MVB12B: variants seen among roughly 807,000 people sequenced by gnomAD.
MVB12B encodes ESCRT-I complex subunit MVB12B.
A neutral mutation model predicts 41.6 loss-of-function variants in MVB12B; 16 were observed. The ratio of observed to expected loss-of-function variants is 0.38; its 90% CI spans 0.26 to 0.58. The LOEUF (loss-of-function observed/expected upper bound fraction) is 0.58, where lower values mean the gene tolerates loss of function less well. MVB12B is among the 20% of genes least tolerant of loss of function. The pLI is 0.62. For synonymous variants in MVB12B, 133 were observed against 139.7 expected, an observed-to-expected ratio of 0.95 and a Z score of 0.34; for missense variants, 274 against 380.2, an observed-to-expected ratio of 0.72 and a Z score of 2.32.
intron 2 of MVB12B, among the ~76,000 whole-genome samples, chr9:126,351,223 A>G (rs1265293824): frequency 1.3e-5 from 2 of 152,316 alleles, no homozygotes; most frequent in South Asian, 2.1e-4. Context: ...GTTAATTTTT[A>G]TAGGTTTATC....
At chr9:126,469,553 GTC>G (rs1221873906) in intron 7 of MVB12B, among the ~76,000 whole-genome samples, 1 of 152,228 alleles carries the variant, frequency 6.6e-6, no homozygotes, top group Non-Finnish European at 1.5e-5. Flanking sequence ...GTGCTCCGTA[GTC>G]ACAGGCCATG....
intron 6 of MVB12B, among the ~76,000 whole-genome samples, chr9:126,418,567 C>A (rs1831895891): frequency 1.3e-5 from 2 of 152,172 alleles, no homozygotes; most frequent in South Asian, 4.1e-4. Context: ...CACAGACGGG[C>A]AAGCTTTTGA....
chr9:126,351,965 T>C (rs1233772892), intron 2 of MVB12B, among the ~76,000 whole-genome samples: 2 of 152,316 alleles, frequency 1.3e-5, no homozygotes, highest in African/African-American at 4.8e-5. Context: ...ATTTTTTTTT[T>C]CCTTTAAAGC....
At chr9:126,488,428 C>G (rs1268433764) in intron 9 of MVB12B, among the ~76,000 whole-genome samples, 2 of 152,066 alleles carry the variant, frequency 1.3e-5, no homozygotes, top group Non-Finnish European at 2.9e-5. Context: ...GACCGTGCCT[C>G]CCGCTCGTCC....
At chr9:126,418,149 C>T (rs762744339) in intron 6 of MVB12B, among the ~76,000 whole-genome samples, 6 of 140,046 alleles carry the variant, frequency 4.3e-5, no homozygotes, top group African/African-American at 8.1e-5. Context: ...AGTTTGGAGA[C>T]GAAGTGGGAG....
Position 126,436,756 on chromosome 9 carries a change from A to G in MVB12B, c.757+14808A>G, listed in dbSNP as rs1336269805. On this transcript the variant is annotated intron_variant, in intron 7 of 9. Coordinates refer to ENST00000361171, the MANE Select transcript of MVB12B (RefSeq NM_033446.3). The surrounding 1 kb of genome is among the most constrained non-coding windows in gnomAD (Gnocchi z 4.1). ...ACAGTGGCTGGCCCCTGCAGAGCCT[A>G]AGGGGCACTCCACTCATGAGTCATG... is the stretch of plus-strand genomic sequence containing the variant. Among the ~76,000 whole-genome samples, 1 of 152,180 alleles carries G rather than the reference A, an allele frequency of 6.6e-6. No homozygotes were observed. The highest frequency in any genetic ancestry group is 2.4e-5 in the African/African-American group (1 of 41,440).
intron 9 of MVB12B, among the ~76,000 whole-genome samples, chr9:126,500,929 T>G (rs1833942362): frequency 6.6e-6 from 1 of 152,174 alleles, no homozygotes; most frequent in Non-Finnish European, 1.5e-5. Flanking sequence ...TGCTGGGCTG[T>G]GCTGGGCATG....
chr9:126,431,065 T>G (rs1832316731), intron 7 of MVB12B, among the ~76,000 whole-genome samples: 1 of 152,256 alleles, frequency 6.6e-6, no homozygotes, highest in African/African-American at 2.4e-5. Flanking sequence ...TTGAGAATTA[T>G]CACATGGGAC....
intron 7 of MVB12B, among the ~76,000 whole-genome samples, chr9:126,429,523 ATCTG>A (rs1832275286): frequency 6.6e-6 from 1 of 152,186 alleles, no homozygotes; most frequent in South Asian, 2.1e-4. Context: ...TGTCAAAAAA[ATCTG>A]TCTCCTTTAC....
rs1365763345 is a variant in MVB12B, at chr9:126,484,046, CAG to C, written c.873+15_873+16del. 2.5e-6 allele frequency: 4 copies of C among 1,613,506 alleles called. No homozygotes were observed. The highest frequency in any genetic ancestry group is 1.7e-6 in the Non-Finnish European group (2 of 1,179,752). ...ATCGAAAAAGAGGTAAGCAAGCCAT[CAG>C]GGGAGGGGAGGGCAGGCCTGGGCCA... On this transcript the variant is annotated intron_variant, in intron 9 of 9. Transcript: ENST00000361171.
intron 5 of MVB12B, among the ~76,000 whole-genome samples, chr9:126,394,675 G>A (rs1831053026): frequency 6.6e-6 from 1 of 152,208 alleles, no homozygotes; most frequent in African/African-American, 2.4e-5. Flanking sequence ...CCCAGAGGTG[G>A]AGAAATCAGT....
chr9:126,358,236 C>T (rs2118882646), intron 2 of MVB12B, among the ~76,000 whole-genome samples: 1 of 152,172 alleles, frequency 6.6e-6, no homozygotes, highest in Non-Finnish European at 1.5e-5. Context: ...TAATTCTTAA[C>T]ACCAGGTAGT....
rs1349690557 is a variant in MVB12B, at chr9:126,468,648, G to A, written c.758-12721G>A. On this transcript the variant is annotated intron_variant, in intron 7 of 9. Transcript: ENST00000361171. This position sits in a 1 kb window ranked among gnomAD's most constrained non-coding sequence, Gnocchi z 4.3. ...CCGGGCCACCAGCGTCCCTCGCCTG[G>A]TTCAGTGTCAGAACTTCCTCCCTGG... is the stretch of plus-strand genomic sequence containing the variant. Among the ~76,000 whole-genome samples the A allele has an allele frequency of 6.6e-6, 1 of 152,160 alleles. No homozygotes were observed. Among genetic ancestry groups the A allele is most frequent in the African/African-American group, 2.4e-5 (1 of 41,428 alleles).
At chr9:126,344,732 ATTTC>A (rs886318119) in intron 2 of MVB12B, among the ~76,000 whole-genome samples, 2 of 152,184 alleles carry the variant, frequency 1.3e-5, no homozygotes, top group African/African-American at 4.8e-5. Flanking sequence ...AGCAGGATTT[ATTTC>A]TTACAGGTCT....
chr9:126,447,951 A>C (rs1211629543), intron 7 of MVB12B: 1 of 152,260 alleles, frequency 6.6e-6, no homozygotes, highest in Non-Finnish European at 1.5e-5. Flanking sequence ...TTTTGGCCAT[A>C]AGTTCCATGG....
At chr9:126,399,861 A>G (rs569984437) in intron 6 of MVB12B, among the ~76,000 whole-genome samples, 4 of 152,318 alleles carry the variant, frequency 2.6e-5, no homozygotes, top group African/African-American at 9.6e-5. Flanking sequence ...GAATGATAGA[A>G]TCAATACTCT....
intron 6 of MVB12B, chr9:126,397,463 T>G (rs1831149027): frequency 1.0e-6 from 1 of 985,318 alleles, no homozygotes; most frequent in African/African-American, 1.7e-5. Context: ...AGTTTATGGT[T>G]TACAATGGCT....
chr9:126,393,108 C>T (rs1345342402), intron 5 of MVB12B, among the ~76,000 whole-genome samples: 1 of 152,222 alleles, frequency 6.6e-6, no homozygotes, highest in Non-Finnish European at 1.5e-5. Context: ...TCTGTTGCAG[C>T]TCCATAAATA....
intron 6 of MVB12B, among the ~76,000 whole-genome samples, chr9:126,406,464 G>T (rs1003606200): frequency 6.6e-6 from 1 of 152,196 alleles, no homozygotes; most frequent in Non-Finnish European, 1.5e-5. Flanking sequence ...GCGCTCTCAC[G>T]CACACAGTCC....
Sources: gnomAD v4.1 joint callset for allele counts (sites outside exome capture counted in the v4.1 genomes callset) on GRCh38, gnomAD v4.1.1 for gene constraint, Gnocchi (gnomAD v3.1) non-coding constraint, MANE v1.5 for transcripts, NCBI Gene and HGNC (gene_info 2026-07-23, HGNC 2026-07-21) for gene names.